DTNA: variants seen among roughly 807,000 people sequenced by gnomAD.
The protein encoded by DTNA is dystrobrevin alpha, also known as dystrophin-related protein 3.
DTNA carries 43 observed loss-of-function variants against 100.7 expected under a neutral mutation model. The ratio of observed to expected loss-of-function variants is 0.43; its 90% CI spans 0.33 to 0.55. The LOEUF is 0.55. DTNA is among the 20% of genes least tolerant of loss of function. The pLI is 0.04. For missense variants in DTNA, 798 were observed against 953.9 expected, an observed-to-expected ratio of 0.84 and a Z score of 2.15; for synonymous variants, 349 against 347.9, an observed-to-expected ratio of 1.00 and a Z score of -0.04.
chr18:34,584,832 G>A lies in DTNA; in HGVS notation c.-2+91318G>A, dbSNP rs568815393. Among the ~76,000 whole-genome samples, 34 of 151,994 alleles carry A rather than the reference G, an allele frequency of 2.2e-4. 1 individual carries two copies. The highest frequency in any genetic ancestry group is 7.7e-4 in the African/African-American group (32 of 41,446). On this transcript the variant is annotated intron_variant, in intron 1 of 19. Coordinates refer to the DTNA transcript ENST00000283365. Reference sequence around the variant, plus strand: ...GAGAAGAAGGAGGGAGGGAAGAGGAGAAGGAAGAAATGAACAAGCAAGGAA... The same window carrying A: ...GAGAAGAAGGAGGGAGGGAAGAGGAAAAGGAAGAAATGAACAAGCAAGGAA...
intron 1 of DTNA, among the ~76,000 whole-genome samples, chr18:34,583,434 A>T (rs971804322): frequency 2.0e-5 from 3 of 152,202 alleles, no homozygotes; most frequent in Admixed American, 1.3e-4. Context: ...GTGAAGGCAG[A>T]GAATTACAAT....
chr18:34,692,389 CG>C (rs1224194457), intron 1 of DTNA, among the ~76,000 whole-genome samples: 1 of 151,902 alleles, frequency 6.6e-6, no homozygotes, highest in African/African-American at 2.4e-5. Flanking sequence ...CCTGTTATTC[CG>C]AGAAAAAAAA....
intron 1 of DTNA, among the ~76,000 whole-genome samples, chr18:34,542,116 G>A (rs1021924720): frequency 2.0e-5 from 3 of 152,010 alleles, no homozygotes; most frequent in African/African-American, 7.2e-5. Flanking sequence ...GGTTGGGGGA[G>A]AGAGAGCTCA....
In DTNA at chr18:34,561,703, G is replaced by A. The variant is rs138111586; in HGVS notation, c.-2+68189G>A. ...GTATAGGGAATAATCAATTTTTATC[G>A]TACCTCATAATTTATAGAAAAAGTA... On this transcript the variant is annotated intron_variant, in intron 1 of 19. Transcript: ENST00000283365. Among the ~76,000 whole-genome samples the A allele has an allele frequency of 3.2e-4, 48 of 151,906 alleles. No individual in the cohort carries two copies. In the East Asian group the frequency reaches 5.4e-3, roughly 17 times the overall value.
intron 1 of DTNA, among the ~76,000 whole-genome samples, chr18:34,698,275 A>C (rs59001990): frequency 6.6e-6 from 1 of 152,226 alleles, no homozygotes; most frequent in Non-Finnish European, 1.5e-5. Context: ...ATTACCACAA[A>C]GCTTAGTGGC....
intron 1 of DTNA, among the ~76,000 whole-genome samples, chr18:34,553,334 G>A (rs927770396): frequency 9.2e-5 from 14 of 151,520 alleles, no homozygotes; most frequent in South Asian, 2.1e-4. Context: ...TAGGTTGCCC[G>A]TTCACTCTGA....
intron 1 of DTNA, among the ~76,000 whole-genome samples, chr18:34,665,244 C>G (rs948945697): frequency 5.3e-5 from 8 of 151,696 alleles, no homozygotes; most frequent in African/African-American, 1.5e-4. Context: ...TATTTTTTTC[C>G]TTAGGGAAAC....
At chr18:34,852,049 A>G (rs1281031751) in intron 15 of DTNA, 121 bp downstream of exon 15, 2 of 966,032 alleles carry the variant, frequency 2.1e-6, no homozygotes, top group Admixed American at 2.0e-5. Context: ...GAAGACATCT[A>G]CACTCAGTGA....
chr18:34,864,904 C>G (rs2096677421), intron 17 of DTNA, among the ~76,000 whole-genome samples: 1 of 152,178 alleles, frequency 6.6e-6, no homozygotes, highest in Non-Finnish European at 1.5e-5. Flanking sequence ...CTATTTTTCT[C>G]ATTGGGAAGT....
chr18:34,495,214 A>G (rs1187658120), intron 1 of DTNA, among the ~76,000 whole-genome samples: 1 of 152,212 alleles, frequency 6.6e-6, no homozygotes. Flanking sequence ...TATGTGCTGC[A>G]TGTTCAGAAC....
At chr18:34,756,090 C>A (rs768516128) in intron 2 of DTNA, 47 bp downstream of exon 2, 11 of 1,545,270 alleles carry the variant, frequency 7.1e-6, no homozygotes, top group Non-Finnish European at 9.8e-6. Flanking sequence ...CCATTGAATA[C>A]TCATGGAAAG....
chr18:34,699,755 T>C (rs896959734), intron 1 of DTNA, among the ~76,000 whole-genome samples: 30 of 152,218 alleles, frequency 2.0e-4, no homozygotes, highest in Non-Finnish European at 1.3e-4. Context: ...ATTAGGTAAG[T>C]AACTAATAAA....
intron 14 of DTNA, among the ~76,000 whole-genome samples, chr18:34,848,711 G>A (rs2096425758): frequency 6.6e-6 from 1 of 152,140 alleles, no homozygotes; most frequent in Non-Finnish European, 1.5e-5. Context: ...TAAAGCAGGT[G>A]TGGTTAGTGA....
chr18:34,565,947 A>G (rs536269668), intron 1 of DTNA, among the ~76,000 whole-genome samples: 2 of 152,306 alleles, frequency 1.3e-5, no homozygotes, highest in African/African-American at 4.8e-5. Context: ...GGCATAGACA[A>G]TGTGAGATGT....
chr18:34,839,597 A>G, intron 13 of DTNA, among the ~76,000 whole-genome samples: 1 of 152,208 alleles, frequency 6.6e-6, no homozygotes, highest in East Asian at 1.9e-4. Context: ...TATCATATGT[A>G]TTTTTCAATC....
intron 1 of DTNA, chr18:34,663,040 T>C (rs971283015): frequency 6.6e-6 from 1 of 152,232 alleles, no homozygotes; most frequent in South Asian, 2.1e-4. Context: ...CAAGCTCTAC[T>C]GGTAGTAATA....
chr18:34,574,893 C>A (rs2047966240), intron 1 of DTNA, among the ~76,000 whole-genome samples: 1 of 152,160 alleles, frequency 6.6e-6, no homozygotes, highest in South Asian at 2.1e-4. Flanking sequence ...CCTGCCTAAG[C>A]CTAGAAATAC....
chr18:34,576,796 G>GAATGAGGTTGTTTATGACTCACTCA (rs1383333935), intron 1 of DTNA, among the ~76,000 whole-genome samples: 5 of 152,250 alleles, frequency 3.3e-5, no homozygotes, highest in African/African-American at 1.2e-4. Flanking sequence ...CGGGGAAAAT[G>GAATGAGGTTGTTTATGACTCACTCA]AATGAGGTTG....
chr18:34,566,935 G>A (rs537678624), intron 1 of DTNA, among the ~76,000 whole-genome samples: 2 of 152,292 alleles, frequency 1.3e-5, no homozygotes, highest in South Asian at 4.1e-4. Context: ...GTTGTTAAGT[G>A]CATTTAGGTT....
Sources: gnomAD v4.1 joint callset for allele counts (sites outside exome capture counted in the v4.1 genomes callset) on GRCh38, gnomAD v4.1.1 for gene constraint, MANE v1.5 for transcripts, NCBI Gene and HGNC (gene_info 2026-07-23, HGNC 2026-07-21) for gene names.